The following EPS8 variants were observed in gnomAD, a reference collection of about 807,000 sequenced individuals.
The protein encoded by EPS8 is EGFR pathway substrate 8, signaling adaptor, also known as epidermal growth factor receptor kinase substrate 8.
A neutral mutation model predicts 103.8 loss-of-function variants in EPS8; 42 were observed. The observed-to-expected ratio is 0.40, with a 90% CI of 0.32 to 0.52. The LOEUF (loss-of-function observed/expected upper bound fraction) is 0.52. Among genes scored for constraint, EPS8 ranks in the 20% least tolerant of loss-of-function variants. EPS8 has a pLI of 0.40. For synonymous variants in EPS8, 344 were observed against 344.6 expected (o/e 1.00, Z 0.02); for missense variants, 969 against 1,005.1 (o/e 0.96, Z 0.49).
intron 1 of EPS8, among the ~76,000 whole-genome samples, chr12:15,753,761 T>C (rs1352051037): frequency 6.6e-6 from 1 of 152,268 alleles, no homozygotes; most frequent in Non-Finnish European, 1.5e-5. Flanking sequence ...CCAGAAGCTC[T>C]GTTTAAACTC....
intron 1 of EPS8, among the ~76,000 whole-genome samples, chr12:15,709,995 C>A (rs1946440227): frequency 6.6e-6 from 1 of 152,180 alleles, no homozygotes; most frequent in Non-Finnish European, 1.5e-5. Context: ...AGGCAGAGCT[C>A]AGGCAGTGAT....
At chr12:15,708,709 G>A (rs1946421445) in intron 1 of EPS8, among the ~76,000 whole-genome samples, 1 of 152,194 alleles carries the variant, frequency 6.6e-6, no homozygotes, top group African/African-American at 2.4e-5. Flanking sequence ...TATCAATCAT[G>A]AAAGAATAAA....
In EPS8 at chr12:15,781,700, A is replaced by G. The variant is rs1051219086; in HGVS notation, c.-22+7461T>C. On this transcript the variant is annotated intron_variant, in intron 1 of 20. Transcript: ENST00000281172. The surrounding 1 kb of genome is among the most constrained non-coding windows in gnomAD (Gnocchi z 4.1). ...CTGTTGCTTATAACAGAATACCTGA[A>G]ATGGGTAATTCTAAAGAAAAGGAAT... 1.3e-5 allele frequency: 2 copies of G among 152,206 alleles called. No homozygotes were observed. The highest frequency in any genetic ancestry group is 2.9e-5 in the Non-Finnish European group (2 of 68,048). The allele number at this position is 152,206 out of a possible 1,614,324, so 9.4% of individuals were successfully genotyped here. A position where few individuals can be genotyped will look rare whatever the true frequency, so the allele number is the denominator to read the frequency against.
At chr12:15,708,066 G>A (rs914443183) in intron 1 of EPS8, among the ~76,000 whole-genome samples, 7 of 152,110 alleles carry the variant, frequency 4.6e-5, no homozygotes, top group African/African-American at 1.4e-4. Context: ...CATAGGGATC[G>A]AAACAGCCTA....
chr12:15,707,136 C>T (rs531057720), intron 1 of EPS8, among the ~76,000 whole-genome samples: 1 of 152,166 alleles, frequency 6.6e-6, no homozygotes, highest in Non-Finnish European at 1.5e-5. Context: ...TTACACTTTA[C>T]AGTACCTAAT....
rs556867419 is a variant in EPS8, at chr12:15,741,733, T to C, written c.-22+47428A>G. On this transcript the variant is annotated intron_variant, in intron 1 of 20. Coordinates refer to ENST00000281172, the MANE Select transcript of EPS8 (RefSeq NM_004447.6). Reference sequence around the variant, plus strand: ...GATCAGTAACATTAAGTCTTTTTTTTTTAAGTTCTAGGGTACATGTGCACA... The same window carrying C: ...GATCAGTAACATTAAGTCTTTTTTTCTTAAGTTCTAGGGTACATGTGCACA... Among the ~76,000 whole-genome samples the C allele has an allele frequency of 3.3e-3, 506 of 152,302 alleles. 5 individuals are homozygous for C. Among genetic ancestry groups the C allele is most frequent in the African/African-American group, 0.011 (470 of 41,564 alleles).
chr12:15,766,111 G>A lies in EPS8; in HGVS notation c.-22+23050C>T, dbSNP rs192377126. On this transcript the variant is annotated intron_variant, in intron 1 of 20. Coordinates refer to ENST00000281172, the MANE Select transcript of EPS8 (RefSeq NM_004447.6). ...TTATAGGCGTGAGCCACCTGCAACC[G>A]GCCTAAAAGTTTTAACAGAGAAAAA... is the stretch of plus-strand genomic sequence containing the variant. Among the ~76,000 whole-genome samples, 78 of 151,342 alleles carry A rather than the reference G, an allele frequency of 5.2e-4. 1 individual carries two copies. The highest frequency in any genetic ancestry group is 3.4e-3 in the Middle Eastern group (1 of 294).
Position 15,757,029 on chromosome 12 carries a change from TAC to T in EPS8, c.-22+32130_-22+32131del, listed in dbSNP as rs1455304874. 2.0e-5 allele frequency among the ~76,000 whole-genome samples: 3 copies of T among 152,214 alleles called. No homozygotes were observed. Among genetic ancestry groups the T allele is most frequent in the African/African-American group, 7.2e-5 (3 of 41,458 alleles). The stretch of plus-strand genomic sequence containing the variant: ...AATACAAATTAAGTATTACCCAATC[TAC>T]ACCCCTTAAATGCCATTCATGTTAG... On this transcript the variant is annotated intron_variant, in intron 1 of 20. Transcript: ENST00000281172. This position sits in a 1 kb window ranked among gnomAD's most constrained non-coding sequence, Gnocchi z 4.1.
At chr12:15,638,089 G>A (rs1415211258) in intron 17 of EPS8, among the ~76,000 whole-genome samples, 1 of 152,042 alleles carries the variant, frequency 6.6e-6, no homozygotes, top group Non-Finnish European at 1.5e-5. Flanking sequence ...GAAATAAGTT[G>A]CAGGATTCTT....
At chr12:15,638,121 G>C (rs1480763353) in intron 17 of EPS8, among the ~76,000 whole-genome samples, 1 of 151,976 alleles carries the variant, frequency 6.6e-6, no homozygotes, top group Non-Finnish European at 1.5e-5. Flanking sequence ...TTAGATATGG[G>C]TATCTGGTGT....
At chr12:15,660,127 T>C (rs903928756) in intron 10 of EPS8, among the ~76,000 whole-genome samples, 10 of 152,138 alleles carry the variant, frequency 6.6e-5, no homozygotes, top group African/African-American at 2.4e-4. Flanking sequence ...AGCTGACTTA[T>C]AACCAAAATG....
intron 14 of EPS8, among the ~76,000 whole-genome samples, chr12:15,649,078 G>GT (rs1419318786): frequency 1.3e-5 from 2 of 152,094 alleles, no homozygotes; most frequent in African/African-American, 4.8e-5. Context: ...GCTAGAATGT[G>GT]TTTTTCATTT....
Position 15,767,137 on chromosome 12 carries a change from T to C in EPS8, c.-22+22024A>G, listed in dbSNP as rs1396152247. On this transcript the variant is annotated intron_variant, in intron 1 of 20. Coordinates refer to ENST00000281172, the MANE Select transcript of EPS8 (RefSeq NM_004447.6). This position sits in a 1 kb window ranked among gnomAD's most constrained non-coding sequence, Gnocchi z 5.5. ...TAGCACCTAAGAACAAGAGATTGCA[T>C]GACTACTTCTAATATTCTACTCAAA... Among the ~76,000 whole-genome samples the C allele has an allele frequency of 6.6e-6, 1 of 152,224 alleles. No individual in the cohort carries two copies. Among genetic ancestry groups the C allele is most frequent in the Non-Finnish European group, 1.5e-5 (1 of 68,038 alleles).
intron 17 of EPS8, among the ~76,000 whole-genome samples, chr12:15,632,711 G>A (rs1228853267): frequency 6.6e-6 from 1 of 152,128 alleles, no homozygotes; most frequent in African/African-American, 2.4e-5. Flanking sequence ...AGGTAGTATT[G>A]ATTTTAACAG....
rs780728958 is a variant in EPS8 at position 15,734,369 on chromosome 12, C to G, written c.-21-51397G>C. Among the ~76,000 whole-genome samples, 4 of 152,094 alleles carry G rather than the reference C, an allele frequency of 2.6e-5. No individual in the cohort carries two copies. Among genetic ancestry groups the G allele is most frequent in the Non-Finnish European group, 4.4e-5 (3 of 68,034 alleles). On this transcript the variant is annotated intron_variant, in intron 1 of 20. Coordinates refer to ENST00000281172, the MANE Select transcript of EPS8 (RefSeq NM_004447.6). The surrounding 1 kb of genome is among the most constrained non-coding windows in gnomAD (Gnocchi z 4.1). Reference sequence around the variant, plus strand: ...TTACTACTGTTCCAGGGGCATTAGGCTACAATAACATTCAAAAGTTTCATG... The same window carrying G: ...TTACTACTGTTCCAGGGGCATTAGGGTACAATAACATTCAAAAGTTTCATG...
chr12:15,643,402 T>C (rs1477443411), intron 15 of EPS8, among the ~76,000 whole-genome samples: 1 of 152,158 alleles, frequency 6.6e-6, no homozygotes, highest in Non-Finnish European at 1.5e-5. Context: ...ACACTGACCA[T>C]AGTTATCAAA....
rs144163306 is a variant in EPS8, at chr12:15,787,815, G to A, written c.-22+1346C>T. 5.3e-5 allele frequency: 8 copies of A among 152,210 alleles called. No homozygotes were observed. Among genetic ancestry groups the A allele is most frequent in the African/African-American group, 1.4e-4 (6 of 41,530 alleles). The allele number at this position is 152,210 out of a possible 1,614,324, so 9.4% of individuals were successfully genotyped here. On this transcript the variant is annotated intron_variant, in intron 1 of 20. Coordinates refer to ENST00000281172, the MANE Select transcript of EPS8 (RefSeq NM_004447.6). The surrounding 1 kb of genome is among the most constrained non-coding windows in gnomAD (Gnocchi z 4.9). ...TCTATACTGTTTTAACTGTCAAATT[G>A]TAAGTAAAAGTGTGAATTCGTGACC...
chr12:15,662,723 T>A, intron 8 of EPS8: 1 of 892,962 alleles, frequency 1.1e-6, no homozygotes, highest in Non-Finnish European at 1.3e-6. Flanking sequence ...AGCATGATGT[T>A]AATCATGAAG....
intron 18 of EPS8, among the ~76,000 whole-genome samples, chr12:15,628,312 T>C (rs1176101936): frequency 1.3e-5 from 2 of 152,182 alleles, no homozygotes; most frequent in African/African-American, 2.4e-5. Context: ...TTAGTCAGTA[T>C]ATCAATCATC....
Sources: gnomAD v4.1 joint callset for allele counts (sites outside exome capture counted in the v4.1 genomes callset) on GRCh38, gnomAD v4.1.1 for gene constraint, Gnocchi (gnomAD v3.1) non-coding constraint, MANE v1.5 for transcripts, NCBI Gene and HGNC (gene_info 2026-07-23, HGNC 2026-07-21) for gene names.